SLCO1B3: variants seen among roughly 807,000 people sequenced by gnomAD.
SLCO1B3 encodes the protein solute carrier organic anion transporter family member 1B3.
SLCO1B3 carries 72 observed loss-of-function variants against 71.8 expected under a neutral mutation model. The observed-to-expected ratio is 1.00, with a 90% CI of 0.83 to 1.22. SLCO1B3 has a LOEUF of 1.22. SLCO1B3 is among the 50% of genes most tolerant of loss of function. SLCO1B3 has a pLI of 0.00. For synonymous variants in SLCO1B3, 298 were observed against 278.4 expected, an observed-to-expected ratio of 1.07 and a Z score of -0.70; for missense variants, 911 against 819.7, an observed-to-expected ratio of 1.11 and a Z score of -1.36.
chr12:20,846,775 T>C (rs1864929048), intron 3 of SLCO1B3, among the ~76,000 whole-genome samples: 1 of 151,564 alleles, frequency 6.6e-6, no homozygotes, highest in Non-Finnish European at 1.5e-5. Flanking sequence ...GGGGAGTTAT[T>C]TTTTAAAATA....
intron 13 of SLCO1B3, among the ~76,000 whole-genome samples, chr12:20,894,017 G>A (rs73073222): frequency 0.14 from 21,208 of 152,132 alleles, 1,586 homozygotes; most frequent in Middle Eastern, 0.23. Flanking sequence ...AGGAAAACAA[G>A]CATTCCCTAC....
chr12:20,848,943 C>G (rs1864967375), intron 3 of SLCO1B3, among the ~76,000 whole-genome samples: 1 of 151,918 alleles, frequency 6.6e-6, no homozygotes, highest in South Asian at 2.1e-4. Context: ...AATCGATAGA[C>G]TGTAAAACAC....
At chr12:20,899,240 T>C (rs1866079906) in intron 14 of SLCO1B3, among the ~76,000 whole-genome samples, 1 of 152,236 alleles carries the variant, frequency 6.6e-6, no homozygotes, top group Non-Finnish European at 1.5e-5. Flanking sequence ...AGATACTTGT[T>C]GTTAAATAAT....
At chr12:20,859,441 C>T (rs1865208311) in intron 5 of SLCO1B3, among the ~76,000 whole-genome samples, 2 of 152,064 alleles carry the variant, frequency 1.3e-5, no homozygotes, top group Admixed American at 1.3e-4. Context: ...TTCCTTAATG[C>T]CAAATCCAGC....
chr12:20,849,635 A>G (rs987477934), intron 3 of SLCO1B3, among the ~76,000 whole-genome samples: 2 of 152,032 alleles, frequency 1.3e-5, no homozygotes, highest in Non-Finnish European at 2.9e-5. Flanking sequence ...ACATAATTAT[A>G]TGTAAAGAGA....
At chr12:20,869,047 A>G (rs1419799222) in intron 8 of SLCO1B3, among the ~76,000 whole-genome samples, 1 of 152,154 alleles carries the variant, frequency 6.6e-6, no homozygotes, top group Non-Finnish European at 1.5e-5. Context: ...ACAGCATCAC[A>G]GGGAGATGGT....
At chr12:20,868,020 T>C (rs2121271059) in intron 8 of SLCO1B3, among the ~76,000 whole-genome samples, 1 of 152,190 alleles carries the variant, frequency 6.6e-6, no homozygotes, top group East Asian at 1.9e-4. Flanking sequence ...GATGACCCAC[T>C]TCCACTTAAT....
intron 13 of SLCO1B3, among the ~76,000 whole-genome samples, chr12:20,893,358 T>G (rs1384927149): frequency 6.6e-6 from 1 of 152,150 alleles, no homozygotes; most frequent in Non-Finnish European, 1.5e-5. Flanking sequence ...GAGTTTGGAA[T>G]GAAAATTGTC....
chr12:20,817,592 TATA>T (rs1453975576), intron 3 of SLCO1B3, among the ~76,000 whole-genome samples: 3 of 152,014 alleles, frequency 2.0e-5, no homozygotes, highest in Admixed American at 2.0e-4. Context: ...AACTCTATAG[TATA>T]ATTTTTTTTT....
intron 3 of SLCO1B3, among the ~76,000 whole-genome samples, chr12:20,821,170 T>C (rs1272773506): frequency 2.6e-5 from 4 of 152,034 alleles, no homozygotes; most frequent in Non-Finnish European, 5.9e-5. Flanking sequence ...ATGAATTGCA[T>C]TGGGCAGAGA....
intron 13 of SLCO1B3, among the ~76,000 whole-genome samples, chr12:20,895,228 C>T (rs553441626): frequency 1.3e-5 from 2 of 152,120 alleles, no homozygotes; most frequent in African/African-American, 4.8e-5. Flanking sequence ...ATTTCAATAC[C>T]AATCATTCTT....
intron 8 of SLCO1B3, among the ~76,000 whole-genome samples, chr12:20,866,005 G>A (rs528997680): frequency 6.6e-6 from 1 of 152,142 alleles, no homozygotes; most frequent in East Asian, 1.9e-4. Context: ...CTCCATATGA[G>A]TAGTTTTCAT....
At chr12:20,903,124 A>G (rs1410371169) in intron 15 of SLCO1B3, among the ~76,000 whole-genome samples, 1 of 151,874 alleles carries the variant, frequency 6.6e-6, no homozygotes, top group African/African-American at 2.4e-5. Context: ...AGAATGGGAA[A>G]CAACAGGAAT....
At chr12:20,837,626 G>T (rs1363510498) in intron 3 of SLCO1B3, among the ~76,000 whole-genome samples, 1 of 152,018 alleles carries the variant, frequency 6.6e-6, no homozygotes, top group Non-Finnish European at 1.5e-5. Context: ...GATTTTTCCA[G>T]TTATTTCTGT....
chr12:20,851,215 T>C (rs1865021018), intron 3 of SLCO1B3, among the ~76,000 whole-genome samples: 1 of 152,166 alleles, frequency 6.6e-6, no homozygotes, highest in African/African-American at 2.4e-5. Context: ...TCTATGGTAA[T>C]TCTGCTTGTA....
chr12:20,821,862 C>A (rs956471009), intron 3 of SLCO1B3, among the ~76,000 whole-genome samples: 1 of 152,166 alleles, frequency 6.6e-6, no homozygotes, highest in Admixed American at 6.5e-5. Flanking sequence ...AGTCCGTGAC[C>A]GGCACCGGAG....
At chr12:20,906,051 C>T (rs578094898) in intron 15 of SLCO1B3, among the ~76,000 whole-genome samples, 1 of 152,238 alleles carries the variant, frequency 6.6e-6, no homozygotes, top group Non-Finnish European at 1.5e-5. Flanking sequence ...AACTCACTAT[C>T]ATGAGAAAAG....
chr12:20,866,057 T>C (rs552020429), intron 8 of SLCO1B3, among the ~76,000 whole-genome samples: 1 of 152,200 alleles, frequency 6.6e-6, no homozygotes, highest in South Asian at 2.1e-4. Flanking sequence ...AAGTGAACCC[T>C]TGTGTTTTCT....
chr12:20,850,032 CTTT>C (rs71043207), intron 3 of SLCO1B3, among the ~76,000 whole-genome samples: 7 of 134,150 alleles, frequency 5.2e-5, no homozygotes, highest in Admixed American at 1.5e-4. Flanking sequence ...TCCCAACAGC[CTTT>C]TTTTTTTTTT....
Sources: allele counts gnomAD v4.1 joint callset (sites outside exome capture counted in the v4.1 genomes callset), GRCh38; gene constraint gnomAD v4.1.1; transcripts MANE v1.5; gene names NCBI Gene and HGNC (gene_info 2026-07-23, HGNC 2026-07-21).